Variants in IQGAP2 observed in about 807,000 individuals in gnomAD.
The protein encoded by IQGAP2 is IQ motif containing GTPase activating protein 2, also known as ras GTPase-activating-like protein IQGAP2.
A neutral mutation model predicts 201.3 loss-of-function variants in IQGAP2; 173 were observed. The ratio of observed to expected loss-of-function variants is 0.86; its 90% confidence interval spans 0.76 to 0.98. The LOEUF is 0.98. Among genes scored for constraint, IQGAP2 ranks in the 50% least tolerant of loss-of-function variants. The pLI, the probability that IQGAP2 is intolerant of heterozygous loss-of-function variation, is 0.00. For synonymous variants in IQGAP2, 675 were observed against 673.9 expected, an observed-to-expected ratio of 1.00 and a Z score of -0.03; for missense variants, 1,687 against 1,864.8, an observed-to-expected ratio of 0.90 and a Z score of 1.76.
chr5:76,654,481 G>C (rs559220499), intron 19 of IQGAP2, among the ~76,000 whole-genome samples: 1 of 152,200 alleles, frequency 6.6e-6, no homozygotes, highest in Non-Finnish European at 1.5e-5. Flanking sequence ...GTCAGGACTC[G>C]ATAGAAAATG....
chr5:76,403,550 C>T lies in IQGAP2; in HGVS notation c.5C>T (p.Pro2Leu). The change falls in exon 1 of 36, where the codon CCA becomes CTA. Residue 2 changes from proline to leucine, a missense_variant. By Grantham distance (98) the Pro-to-Leu change is moderately conservative. Transcript: ENST00000274364. This position sits in a 1 kb window ranked among gnomAD's most constrained non-coding sequence, Gnocchi z 4.8. ...GGGCCCCCGGAGACGCGCAGGATGC[C>T]ACACGAAGAGCTGCCGTCGCTGCAG... M[P>L]HEELPSLQRP... 6.5e-7 allele frequency: 1 copy of T among 1,532,162 alleles called. No individual in the cohort carries two copies. The highest frequency in any genetic ancestry group is 1.2e-5 in the South Asian group (1 of 82,314). 94.9% of individuals were successfully genotyped at this position (1,532,162 alleles called of 1,614,324 possible).
At chr5:76,480,297 G>A (rs1045205239) in intron 2 of IQGAP2, among the ~76,000 whole-genome samples, 1 of 152,172 alleles carries the variant, frequency 6.6e-6, no homozygotes, top group African/African-American at 2.4e-5. Context: ...GGGACTGGGT[G>A]GAGAGGAGGT....
intron 20 of IQGAP2, among the ~76,000 whole-genome samples, chr5:76,655,831 G>A (rs1353541458): frequency 1.3e-5 from 2 of 152,130 alleles, no homozygotes; most frequent in Non-Finnish European, 2.9e-5. Flanking sequence ...TCCCAACTTT[G>A]CCTATGTTTG....
chr5:76,687,444 T>C (rs1179450445), intron 30 of IQGAP2, among the ~76,000 whole-genome samples: 2 of 152,234 alleles, frequency 1.3e-5, no homozygotes, highest in Non-Finnish European at 2.9e-5. Context: ...TAACAGATAA[T>C]TACAAAGTGC....
intron 13 of IQGAP2, chr5:76,618,279 C>G: frequency 6.2e-7 from 1 of 1,614,116 alleles, no homozygotes; most frequent in Non-Finnish European, 8.5e-7. Context: ...CAATGTAACA[C>G]AAAAAAGAAA....
intron 2 of IQGAP2, among the ~76,000 whole-genome samples, chr5:76,508,847 C>T (rs1000501531): frequency 1.3e-5 from 2 of 151,952 alleles, no homozygotes; most frequent in Non-Finnish European, 1.5e-5. Flanking sequence ...CAAAACCATG[C>T]GGTCCCTTTT....
At chr5:76,555,354 CAT>C in intron 2 of IQGAP2, among the ~76,000 whole-genome samples, 1 of 152,194 alleles carries the variant, frequency 6.6e-6, no homozygotes, top group East Asian at 1.9e-4. Context: ...ATTACACAGT[CAT>C]ATTGAATTCC....
intron 30 of IQGAP2, among the ~76,000 whole-genome samples, chr5:76,691,198 A>C (rs1746232632): frequency 6.6e-6 from 1 of 152,166 alleles, no homozygotes. Context: ...GAACTTTGGC[A>C]ATGAATTCCA....
chr5:76,441,419 C>T, intron 1 of IQGAP2: 2 of 779,860 alleles, frequency 2.6e-6, no homozygotes, highest in Non-Finnish European at 3.1e-6. Flanking sequence ...ACCTAAAGTA[C>T]CTACTTTTGA....
In IQGAP2 at chr5:76,487,935, A is replaced by G. The variant is rs553041626; in HGVS notation, c.146+26266A>G. On this transcript the variant is annotated intron_variant, in intron 2 of 35. Transcript: ENST00000274364. ...AAGCCATGACTGGGGACAAGGAATA[A>G]GCTTTATCAGGCCCTAGTCAGAAAG... Among the ~76,000 whole-genome samples, 4 of 152,354 alleles carry G rather than the reference A, an allele frequency of 2.6e-5. No homozygotes were observed. The East Asian group carries it at 7.7e-4, about 29-fold the overall frequency.
At chr5:76,477,282 A>C (rs1392659945) in intron 2 of IQGAP2, among the ~76,000 whole-genome samples, 1 of 152,220 alleles carries the variant, frequency 6.6e-6, no homozygotes, top group Non-Finnish European at 1.5e-5. Context: ...TAGAGGCTGC[A>C]GTGCACAGTG....
chr5:76,509,027 A>G (rs957282317), intron 2 of IQGAP2, among the ~76,000 whole-genome samples: 2 of 83,708 alleles, frequency 2.4e-5, no homozygotes, highest in Non-Finnish European at 5.1e-5. Flanking sequence ...GGCTGTATAT[A>G]TATGTGTGTG....
intron 28 of IQGAP2, among the ~76,000 whole-genome samples, chr5:76,682,505 C>T: frequency 6.6e-6 from 1 of 152,004 alleles, no homozygotes; most frequent in Non-Finnish European, 1.5e-5. Context: ...TGGTTTCCCC[C>T]GAGTGCTGCT....
intron 2 of IQGAP2, among the ~76,000 whole-genome samples, chr5:76,498,546 T>C (rs537550451): frequency 6.6e-6 from 1 of 152,336 alleles, no homozygotes; most frequent in Admixed American, 6.5e-5. Context: ...GCCAGCATTG[T>C]GACCTTGGGC....
Position 76,627,500 on chromosome 5 carries a change from T to C in IQGAP2, c.1612T>C (p.Trp538Arg), listed in dbSNP as rs752647238. The C allele has an allele frequency of 2.0e-6, 3 of 1,506,912 alleles. No individual in the cohort carries two copies. The highest frequency in any genetic ancestry group is 2.8e-6 in the Non-Finnish European group (3 of 1,084,084). 93.3% of individuals were successfully genotyped at this position (1,506,912 alleles called of 1,614,324 possible). A position where few individuals can be genotyped will look rare whatever the true frequency, so the allele number is the denominator to read the frequency against. ...CGTGGACAAGGACAGAGCAAAACAA[T>C]GTAAGCCCTCACCTCCTTTGCTCTT... is the stretch of plus-strand genomic sequence containing the variant. ...ANVDKDRAKQWVTLVVDVNQC... is the reference protein window; with the variant it reads ...ANVDKDRAKQRVTLVVDVNQC... The change falls in exon 14 of 36, where the codon TGG becomes CGG. Residue 538 changes from tryptophan to arginine, a missense_variant and splice_region_variant. Transcript: ENST00000274364.
rs895669904 is a variant in IQGAP2 at position 76,610,912 on chromosome 5, C to T, written c.1358-108C>T. ...TAATTGGTTTTGTGCTTGCATCTTG[C>T]ATCCTATAGCCTTGCTGTACTAGTT... is the stretch of plus-strand genomic sequence containing the variant. On this transcript the variant is annotated intron_variant, in intron 12 of 35. Coordinates refer to ENST00000274364, the MANE Select transcript of IQGAP2 (RefSeq NM_006633.5). The T allele has an allele frequency of 2.8e-5, 22 of 786,300 alleles. No individual in the cohort carries two copies. The African/African-American group carries it at 3.6e-4, about 13-fold the overall frequency. 48.7% of individuals were successfully genotyped at this position (786,300 alleles called of 1,614,324 possible).
intron 30 of IQGAP2, among the ~76,000 whole-genome samples, chr5:76,689,051 G>A (rs1276786798): frequency 1.3e-5 from 2 of 151,994 alleles, no homozygotes; most frequent in Non-Finnish European, 2.9e-5. Context: ...ATTATTAGCT[G>A]AGCAGTTACT....
intron 2 of IQGAP2, among the ~76,000 whole-genome samples, chr5:76,550,582 C>G (rs1743390366): frequency 6.6e-6 from 1 of 152,112 alleles, no homozygotes; most frequent in Non-Finnish European, 1.5e-5. Context: ...CTTCAAGCAT[C>G]TGTTTAACAA....
At chr5:76,587,171 T>A (rs1561486242) in intron 5 of IQGAP2, among the ~76,000 whole-genome samples, 1 of 152,168 alleles carries the variant, frequency 6.6e-6, no homozygotes, top group Non-Finnish European at 1.5e-5. Context: ...TAACCAAAGG[T>A]CAAATTCTCA....
Sources: allele counts gnomAD v4.1 joint callset (sites outside exome capture counted in the v4.1 genomes callset), GRCh38; gene constraint gnomAD v4.1.1; non-coding constraint Gnocchi (gnomAD v3.1); transcripts MANE v1.5; gene names NCBI Gene and HGNC (gene_info 2026-07-23, HGNC 2026-07-21).